The following TBC1D22A variants were observed in gnomAD, a reference collection of about 807,000 sequenced individuals.
TBC1D22A encodes the protein TBC1 domain family member 22A.
In TBC1D22A, 38 loss-of-function variants were observed where a neutral mutation model predicts 60.2. The observed-to-expected ratio is 0.63, with a 90% CI of 0.49 to 0.83. TBC1D22A has a LOEUF of 0.83. Among genes scored for constraint, TBC1D22A ranks in the 40% least tolerant of loss-of-function variants. The probability of loss-of-function intolerance (pLI) is 0.00; values close to 1 mark genes in which losing one functional copy is unlikely to be tolerated. For missense variants in TBC1D22A, 628 were observed against 701.0 expected, an observed-to-expected ratio of 0.90 and a Z score of 1.18; for synonymous variants, 302 against 281.7, an observed-to-expected ratio of 1.07 and a Z score of -0.72.
intron 7 of TBC1D22A, among the ~76,000 whole-genome samples, chr22:46,910,413 G>T (rs1270070455): frequency 6.6e-6 from 1 of 152,162 alleles, no homozygotes; most frequent in Non-Finnish European, 1.5e-5. Context: ...TTGTAGGCAG[G>T]GTAGGAAGGG....
intron 11 of TBC1D22A, among the ~76,000 whole-genome samples, chr22:47,103,276 G>C (rs565263990): frequency 1.3e-5 from 2 of 152,310 alleles, no homozygotes; most frequent in East Asian, 3.9e-4. Context: ...GGACACACTG[G>C]ACCATGACAG....
intron 7 of TBC1D22A, among the ~76,000 whole-genome samples, chr22:46,910,957 G>T (rs1278525075): frequency 6.6e-6 from 1 of 152,058 alleles, no homozygotes; most frequent in Non-Finnish European, 1.5e-5. Flanking sequence ...CCACAATGTG[G>T]GTGCTGGCTG....
At position 47,138,062 on chromosome 22, in the gene TBC1D22A, G is replaced by T. The variant is rs568211636; in HGVS notation, c.1425+26459G>T. Among the ~76,000 whole-genome samples the T allele has an allele frequency of 2.6e-4, 39 of 152,298 alleles. No homozygotes were observed. The South Asian group carries it at 5.0e-3, about 19-fold the overall frequency. On this transcript the variant is annotated intron_variant, in intron 12 of 12. Transcript: ENST00000337137. ...TCGTCAGTGCCACTGTCACCTAATAGGATTCCTAGTCCCCCTGGCGTCCAG... is the reference window on the plus strand; with the variant it reads ...TCGTCAGTGCCACTGTCACCTAATATGATTCCTAGTCCCCCTGGCGTCCAG...
intron 4 of TBC1D22A, among the ~76,000 whole-genome samples, chr22:46,876,357 C>T (rs147212335): frequency 3.1e-3 from 479 of 152,328 alleles, no homozygotes; most frequent in African/African-American, 0.011. Context: ...ATTACAAAGA[C>T]ACATGTGCAT....
chr22:46,853,733 A>C (rs2087414841), intron 4 of TBC1D22A, among the ~76,000 whole-genome samples: 1 of 152,212 alleles, frequency 6.6e-6, no homozygotes, highest in Non-Finnish European at 1.5e-5. Flanking sequence ...GGGAGCCTGA[A>C]GAGGTTCATT....
chr22:47,084,666 G>A (rs2064606350), intron 11 of TBC1D22A, among the ~76,000 whole-genome samples: 1 of 152,166 alleles, frequency 6.6e-6, no homozygotes, highest in Non-Finnish European at 1.5e-5. Flanking sequence ...TATTGTTGGG[G>A]AAATGAAAAT....
intron 11 of TBC1D22A, among the ~76,000 whole-genome samples, chr22:47,086,958 C>G (rs528243450): frequency 9.8e-4 from 149 of 152,356 alleles, no homozygotes; most frequent in Non-Finnish European, 1.7e-3. Flanking sequence ...CAATGTGAAA[C>G]TGGCTGAATA....
chr22:47,049,036 G>A (rs1447007166), intron 11 of TBC1D22A, among the ~76,000 whole-genome samples: 5 of 152,238 alleles, frequency 3.3e-5, no homozygotes, highest in Admixed American at 2.6e-4. Context: ...AGCATGGAGA[G>A]TATTCTCCAG....
At chr22:47,119,960 C>T (rs1268075616) in intron 12 of TBC1D22A, among the ~76,000 whole-genome samples, 1 of 152,164 alleles carries the variant, frequency 6.6e-6, no homozygotes, top group Non-Finnish European at 1.5e-5. Flanking sequence ...TCCCATCAGC[C>T]TCCTTCACGG....
At position 46,809,188 on chromosome 22, in the gene TBC1D22A, C is replaced by G. The variant is rs573202568; in HGVS notation, c.637+11568C>G. On this transcript the variant is annotated intron_variant, in intron 4 of 12. Transcript: ENST00000337137. Reference sequence around the variant, plus strand: ...TGATCCAGTTTCCGGGAAGGGCTCTCCTCCCGGCTTGCAGATGCCACATTT... The same window carrying G: ...TGATCCAGTTTCCGGGAAGGGCTCTGCTCCCGGCTTGCAGATGCCACATTT... 8.5e-5 allele frequency among the ~76,000 whole-genome samples: 13 copies of G among 152,302 alleles called. No individual in the cohort carries two copies. The South Asian group carries it at 1.5e-3, about 17-fold the overall frequency.
intron 4 of TBC1D22A, among the ~76,000 whole-genome samples, chr22:46,830,685 T>C (rs2147152891): frequency 6.6e-6 from 1 of 152,292 alleles, no homozygotes; most frequent in African/African-American, 2.4e-5. Context: ...GAAGTGAATC[T>C]TCAAGAACAG....
intron 1 of TBC1D22A, chr22:46,763,744 T>C (rs980460843): frequency 6.6e-6 from 1 of 152,158 alleles, no homozygotes; most frequent in Non-Finnish European, 1.5e-5. Context: ...TCATAATAAA[T>C]ATTATTGTTT....
intron 8 of TBC1D22A, among the ~76,000 whole-genome samples, chr22:46,953,963 CTT>C (rs1008688288): frequency 4.6e-5 from 7 of 151,476 alleles, no homozygotes; most frequent in Middle Eastern, 3.4e-3. Flanking sequence ...TTGAAGGCCA[CTT>C]AACTAGGAGG....
At chr22:47,019,935 C>A (rs1006617357) in intron 10 of TBC1D22A, among the ~76,000 whole-genome samples, 1 of 149,694 alleles carries the variant, frequency 6.7e-6, no homozygotes, top group African/African-American at 2.5e-5. Flanking sequence ...CTTAACCCTC[C>A]ATCATGCCCT....
intron 12 of TBC1D22A, among the ~76,000 whole-genome samples, chr22:47,162,465 T>C (rs1434320310): frequency 1.3e-5 from 2 of 152,242 alleles, no homozygotes; most frequent in Non-Finnish European, 2.9e-5. Flanking sequence ...CCGAGCCTCC[T>C]GCATAGCCCA....
intron 11 of TBC1D22A, among the ~76,000 whole-genome samples, chr22:47,065,832 G>T (rs1425155781): frequency 6.6e-6 from 1 of 152,180 alleles, no homozygotes; most frequent in Admixed American, 6.5e-5. Context: ...GAGTTCCTCA[G>T]TTCCCCCTGT....
chr22:47,060,039 G>A (rs904469440), intron 11 of TBC1D22A, among the ~76,000 whole-genome samples: 1 of 152,094 alleles, frequency 6.6e-6, no homozygotes, highest in Non-Finnish European at 1.5e-5. Flanking sequence ...AGGACTCTGG[G>A]GGCTCGAGAT....
chr22:46,934,554 C>T (rs144894509), intron 8 of TBC1D22A, among the ~76,000 whole-genome samples: 5 of 152,366 alleles, frequency 3.3e-5, no homozygotes, highest in Non-Finnish European at 7.3e-5. Flanking sequence ...GTCTATACTA[C>T]TCTTGGGGAA....
intron 11 of TBC1D22A, 64 bp from the exon 12 acceptor site, chr22:47,111,444 C>G: frequency 6.9e-7 from 1 of 1,457,978 alleles, no homozygotes; most frequent in African/African-American, 1.4e-5. Flanking sequence ...TCGCAGATAA[C>G]CTCGCAGTGA....
Sources: allele counts gnomAD v4.1 joint callset (sites outside exome capture counted in the v4.1 genomes callset), GRCh38; gene constraint gnomAD v4.1.1; transcripts MANE v1.5; gene names NCBI Gene and HGNC (gene_info 2026-07-23, HGNC 2026-07-21).